MEIS2: variants seen among roughly 807,000 people sequenced by gnomAD.
MEIS2 encodes homeobox protein Meis2.
MEIS2 carries 9 observed loss-of-function variants against 58.6 expected under a neutral mutation model. That is an observed-to-expected ratio of 0.15 (90% confidence interval 0.09 to 0.27). The LOEUF is 0.27. Ranked by LOEUF, MEIS2 falls within the 10% of genes least tolerant of loss-of-function variation. The pLI, the probability that MEIS2 is intolerant of heterozygous loss-of-function variation, is 1.00. For synonymous variants in MEIS2, 221 were observed against 228.4 expected (o/e 0.97, Z 0.29); for missense variants, 427 against 635.0 (o/e 0.67, Z 3.52).
intron 8 of MEIS2, among the ~76,000 whole-genome samples, chr15:37,013,106 A>G (rs2061221584): frequency 6.6e-6 from 1 of 152,178 alleles, no homozygotes; most frequent in Non-Finnish European, 1.5e-5. Flanking sequence ...GAGAGAAAGG[A>G]AACTGGCTTG....
At chr15:36,940,529 C>A (rs2058338184) in intron 9 of MEIS2, among the ~76,000 whole-genome samples, 1 of 152,064 alleles carries the variant, frequency 6.6e-6, no homozygotes, top group African/African-American at 2.4e-5. Flanking sequence ...TCCAGTGTTT[C>A]TCTTGTGGCA....
At chr15:37,094,604 T>C in intron 4 of MEIS2, 27 bp from the exon 5 acceptor site, 3 of 1,604,268 alleles carry the variant, frequency 1.9e-6, no homozygotes, top group Non-Finnish European at 2.6e-6. Flanking sequence ...GGGAATGGAG[T>C]TAGAGCTCTG....
intron 8 of MEIS2, among the ~76,000 whole-genome samples, chr15:37,022,145 AAGAAG>A (rs1567192590): frequency 6.6e-6 from 1 of 152,142 alleles, no homozygotes. Flanking sequence ...TACTAGATCA[AAGAAG>A]AGAAAATTTT....
At chr15:36,900,478 G>GT (rs1352353918) in intron 9 of MEIS2, among the ~76,000 whole-genome samples, 6 of 152,108 alleles carry the variant, frequency 3.9e-5, no homozygotes, top group Non-Finnish European at 5.9e-5. Context: ...AAATGCATGA[G>GT]TATGTGTGAT....
chr15:37,080,990 C>G (rs1351956490), intron 7 of MEIS2, among the ~76,000 whole-genome samples: 1 of 152,082 alleles, frequency 6.6e-6, no homozygotes, highest in African/African-American at 2.4e-5. Flanking sequence ...GTTTCACTAT[C>G]AGGTCATAAA....
At chr15:37,045,897 A>C (rs1418011417) in intron 7 of MEIS2, among the ~76,000 whole-genome samples, 2 of 152,092 alleles carry the variant, frequency 1.3e-5, no homozygotes, top group Non-Finnish European at 2.9e-5. Flanking sequence ...CCTTTTTCAC[A>C]CTCAAAAGGG....
At chr15:36,934,094 A>G (rs2058077912) in intron 9 of MEIS2, among the ~76,000 whole-genome samples, 1 of 152,268 alleles carries the variant, frequency 6.6e-6, no homozygotes, top group Non-Finnish European at 1.5e-5. Context: ...GAATATTGAA[A>G]GAAATACAAT....
intron 9 of MEIS2, among the ~76,000 whole-genome samples, chr15:36,920,439 G>A (rs28620430): frequency 0.012 from 1,804 of 152,266 alleles, 38 homozygotes; most frequent in African/African-American, 0.041. Context: ...GAGCCACGGC[G>A]CCCGGTCTAT....
At chr15:36,902,306 G>A (rs2056515709) in intron 9 of MEIS2, among the ~76,000 whole-genome samples, 2 of 152,228 alleles carry the variant, frequency 1.3e-5, no homozygotes, top group Non-Finnish European at 2.9e-5. Context: ...ACTCCTACAG[G>A]TAGCGTGTGT....
chr15:37,080,431 C>T (rs1892045575), intron 7 of MEIS2, among the ~76,000 whole-genome samples: 1 of 152,086 alleles, frequency 6.6e-6, no homozygotes, highest in African/African-American at 2.4e-5. Context: ...GCTACACAAA[C>T]CCATCAATAA....
At chr15:37,050,130 C>A (rs1426987968) in intron 7 of MEIS2, among the ~76,000 whole-genome samples, 2 of 152,156 alleles carry the variant, frequency 1.3e-5, no homozygotes, top group African/African-American at 2.4e-5. Context: ...AAAACCCTAG[C>A]CCAAATATTT....
intron 8 of MEIS2, among the ~76,000 whole-genome samples, chr15:37,011,221 T>C (rs2061139829): frequency 6.6e-6 from 1 of 152,222 alleles, no homozygotes; most frequent in South Asian, 2.1e-4. Flanking sequence ...CTTTTCAAAG[T>C]AGTTATCTCT....
At chr15:37,095,782 T>G in intron 3 of MEIS2, 168 bp from the exon 4 acceptor site, 1 of 924,002 alleles carries the variant, frequency 1.1e-6, no homozygotes, top group East Asian at 2.7e-5. Context: ...TGAAGAAGAA[T>G]CAGGGCATTC....
At chr15:36,975,937 A>C (rs1247202342) in intron 8 of MEIS2, among the ~76,000 whole-genome samples, 4 of 152,234 alleles carry the variant, frequency 2.6e-5, no homozygotes. Flanking sequence ...GCCATTCCAC[A>C]ATGTATATGT....
intron 9 of MEIS2, among the ~76,000 whole-genome samples, chr15:36,936,907 C>T (rs531948119): frequency 1.3e-4 from 20 of 152,176 alleles, no homozygotes; most frequent in Non-Finnish European, 2.9e-4. Flanking sequence ...GTTTGAGATC[C>T]AAGGGTTCCT....
chr15:37,089,329 C>T (rs1567284199), intron 6 of MEIS2, among the ~76,000 whole-genome samples: 1 of 152,102 alleles, frequency 6.6e-6, no homozygotes, highest in South Asian at 2.1e-4. Flanking sequence ...TCCCACCCCT[C>T]ACTGTCACTT....
intron 8 of MEIS2, among the ~76,000 whole-genome samples, chr15:37,012,161 C>T (rs138970272): frequency 2.2e-4 from 33 of 152,240 alleles, no homozygotes; most frequent in African/African-American, 7.5e-4. Flanking sequence ...TTCCTAACAA[C>T]CTCTACGGAT....
intron 6 of MEIS2, among the ~76,000 whole-genome samples, chr15:37,092,696 C>CCTTTTTT (rs1893680581): frequency 2.6e-5 from 1 of 38,660 alleles, no homozygotes; most frequent in East Asian, 7.1e-4. Flanking sequence ...ACTACATATG[C>CCTTTTTT]TTTTTTTTTT....
At chr15:36,916,290 G>A (rs2057275898) in intron 9 of MEIS2, among the ~76,000 whole-genome samples, 1 of 151,932 alleles carries the variant, frequency 6.6e-6, no homozygotes, top group South Asian at 2.1e-4. Context: ...AGCTGGGCGT[G>A]GTGGCGGGCG....
Sources: gnomAD v4.1 joint callset for allele counts (sites outside exome capture counted in the v4.1 genomes callset) on GRCh38, gnomAD v4.1.1 for gene constraint, MANE v1.5 for transcripts, NCBI Gene and HGNC (gene_info 2026-07-23, HGNC 2026-07-21) for gene names.